Variants in FGF14 observed in about 807,000 individuals in gnomAD.
FGF14 encodes the protein fibroblast growth factor 14.
In FGF14, 5 loss-of-function variants were observed where a neutral mutation model predicts 25.5. That is an observed-to-expected ratio of 0.20 (90% CI 0.10 to 0.41). The LOEUF is 0.41. FGF14 is among the 10% of genes least tolerant of loss of function. The probability of loss-of-function intolerance (pLI) is 1.00; values close to 1 mark genes in which losing one functional copy is unlikely to be tolerated. For missense variants in FGF14, 222 were observed against 320.1 expected (o/e 0.69, Z 2.34); for synonymous variants, 138 against 118.3 (o/e 1.17, Z -1.08).
At chr13:102,062,063 T>A (rs1166648446) in intron 1 of FGF14, among the ~76,000 whole-genome samples, 1 of 152,216 alleles carries the variant, frequency 6.6e-6, no homozygotes, top group Non-Finnish European at 1.5e-5. Flanking sequence ...GGTAGTTTGT[T>A]ATTTAGCAAT....
At chr13:102,024,307 T>G (rs2040817708) in intron 1 of FGF14, among the ~76,000 whole-genome samples, 1 of 152,026 alleles carries the variant, frequency 6.6e-6, no homozygotes, top group Non-Finnish European at 1.5e-5. Flanking sequence ...GACTTTTAAT[T>G]TTGGTTATCC....
At chr13:102,108,608 T>C (rs2045051683) in intron 1 of FGF14, among the ~76,000 whole-genome samples, 1 of 152,216 alleles carries the variant, frequency 6.6e-6, no homozygotes, top group Non-Finnish European at 1.5e-5. Flanking sequence ...AACCTATGTG[T>C]ATATACAGGT....
chr13:102,216,713 A>C (rs2050388387), intron 1 of FGF14, among the ~76,000 whole-genome samples: 1 of 151,204 alleles, frequency 6.6e-6, no homozygotes, highest in Non-Finnish European at 1.5e-5. Flanking sequence ...TATCATTGTT[A>C]ACTAGTCATC....
intron 1 of FGF14, among the ~76,000 whole-genome samples, chr13:102,391,468 T>C (rs983731771): frequency 6.6e-6 from 1 of 152,198 alleles, no homozygotes; most frequent in Non-Finnish European, 1.5e-5. Context: ...GAGATAATAA[T>C]AAGCAATAAT....
At chr13:102,161,655 GAAGAAGAAGAAGAAGAAGAA>G (rs2047737953) in intron 1 of FGF14, among the ~76,000 whole-genome samples, 5 of 19,286 alleles carry the variant, frequency 2.6e-4, no homozygotes, top group African/African-American at 1.0e-3. Flanking sequence ...AGAAGAAGAA[GAAGAAGAAGAAGAAGAAGAA>G]GAAGAAGAAG....
chr13:102,330,200 T>G (rs1639549776), intron 1 of FGF14, among the ~76,000 whole-genome samples: 1 of 152,150 alleles, frequency 6.6e-6, no homozygotes. Context: ...AGATCTGATT[T>G]TGCCTTCACA....
At chr13:101,949,144 C>T (rs1211573622) in intron 1 of FGF14, among the ~76,000 whole-genome samples, 1 of 152,176 alleles carries the variant, frequency 6.6e-6, no homozygotes, top group Non-Finnish European at 1.5e-5. Flanking sequence ...GTTAATATTT[C>T]TAAATATGTG....
intron 1 of FGF14, among the ~76,000 whole-genome samples, chr13:102,044,315 T>C: frequency 6.6e-6 from 1 of 152,100 alleles, no homozygotes; most frequent in Non-Finnish European, 1.5e-5. Flanking sequence ...AACTGATTCC[T>C]TTCCTATTGT....
chr13:101,828,093 A>G (rs1281573083), intron 3 of FGF14, among the ~76,000 whole-genome samples: 1 of 152,014 alleles, frequency 6.6e-6, no homozygotes, highest in Admixed American at 6.6e-5. Context: ...ACACACATAT[A>G]TATCTTAAAT....
At chr13:102,338,523 C>T (rs773981188) in intron 1 of FGF14, among the ~76,000 whole-genome samples, 3 of 152,152 alleles carry the variant, frequency 2.0e-5, no homozygotes, top group African/African-American at 4.8e-5. Flanking sequence ...GCTTCCCATC[C>T]ATGTTTAATG....
At chr13:102,086,239 T>C (rs1236367732) in intron 1 of FGF14, among the ~76,000 whole-genome samples, 1 of 152,152 alleles carries the variant, frequency 6.6e-6, no homozygotes, top group Non-Finnish European at 1.5e-5. Context: ...GCCCTTGGGG[T>C]TAAGAAGTGC....
At chr13:102,228,877 G>A (rs989832895) in intron 1 of FGF14, among the ~76,000 whole-genome samples, 2 of 152,102 alleles carry the variant, frequency 1.3e-5, no homozygotes, top group Admixed American at 1.3e-4. Context: ...CTCTTCCATT[G>A]TTAGGTATAT....
At chr13:102,312,000 A>G (rs759384414) in intron 1 of FGF14, among the ~76,000 whole-genome samples, 22 of 152,202 alleles carry the variant, frequency 1.4e-4, no homozygotes, top group Non-Finnish European at 2.4e-4. Flanking sequence ...GGTTAATAAC[A>G]TTTTAATTTG....
rs954074692 is a variant in FGF14 at position 101,868,844 on chromosome 13, T to C, written c.305-16A>G. 1.2e-5 allele frequency: 19 copies of C among 1,552,462 alleles called. No homozygotes were observed. Among genetic ancestry groups the C allele is most frequent in the East Asian group, 9.0e-5 (4 of 44,496 alleles). On this transcript the variant is annotated splice_polypyrimidine_tract_variant and intron_variant, in intron 2 of 4. Transcript: ENST00000376143. Reference sequence around the variant, plus strand: ...TTGAAGAGTGCTGTGAAGATAAACATTGTCTATCATGAATGGGCAGGAAGA... The same window carrying C: ...TTGAAGAGTGCTGTGAAGATAAACACTGTCTATCATGAATGGGCAGGAAGA...
At chr13:102,163,201 T>C (rs369762188) in intron 1 of FGF14, among the ~76,000 whole-genome samples, 3 of 152,206 alleles carry the variant, frequency 2.0e-5, no homozygotes, top group East Asian at 1.9e-4. Context: ...AGATGAATTA[T>C]ACCTGTGGTG....
Position 101,768,384 on chromosome 13 carries a change from T to G in FGF14, c.409-41574A>C, listed in dbSNP as rs144467828. Among the ~76,000 whole-genome samples, 38 of 152,256 alleles carry G rather than the reference T, an allele frequency of 2.5e-4. 1 individual carries two copies. The East Asian group carries it at 5.6e-3, about 22-fold the overall frequency. On this transcript the variant is annotated intron_variant, in intron 3 of 4. Coordinates refer to ENST00000376143, the MANE Select transcript of FGF14 (RefSeq NM_004115.4). ...AGGAAGACTCAATATTGTCAGCATA[T>G]CAGTTATTTCCAACTTGATCTATAG...
intron 1 of FGF14, among the ~76,000 whole-genome samples, chr13:102,234,829 C>A (rs947642317): frequency 6.6e-6 from 1 of 152,130 alleles, no homozygotes; most frequent in Non-Finnish European, 1.5e-5. Context: ...GACATTGGAA[C>A]CTGGAATTCC....
At position 101,995,382 on chromosome 13, in the gene FGF14, C is replaced by T. The variant is rs190434905; in HGVS notation, c.209-120086G>A. Among the ~76,000 whole-genome samples, 9 of 152,238 alleles carry T rather than the reference C, an allele frequency of 5.9e-5. No homozygotes were observed. In the East Asian group the frequency reaches 1.5e-3, roughly 26 times the overall value. On this transcript the variant is annotated intron_variant, in intron 1 of 4. Transcript: ENST00000376131. The stretch of plus-strand genomic sequence containing the variant: ...GTTACCACAAAATCAGAAGTATGCA[C>T]ATGATGCAATTCAGGAAAAGCAAAA...
intron 1 of FGF14, among the ~76,000 whole-genome samples, chr13:102,320,988 T>G (rs1393198093): frequency 1.3e-5 from 2 of 152,170 alleles, no homozygotes; most frequent in Non-Finnish European, 2.9e-5. Context: ...TGGGCTCAAT[T>G]TATAACCTGG....
Sources: allele counts gnomAD v4.1 joint callset (sites outside exome capture counted in the v4.1 genomes callset), GRCh38; gene constraint gnomAD v4.1.1; transcripts MANE v1.5; gene names NCBI Gene and HGNC (gene_info 2026-07-23, HGNC 2026-07-21).